The following CBLB variants were observed in gnomAD, a reference collection of about 807,000 sequenced individuals.
CBLB encodes Cbl proto-oncogene B, also known as E3 ubiquitin-protein ligase CBL-B.
CBLB carries 31 observed loss-of-function variants against 104.9 expected under a neutral mutation model. The observed-to-expected ratio is 0.30, with a 90% confidence interval of 0.22 to 0.40. The LOEUF (loss-of-function observed/expected upper bound fraction) is 0.40, where lower values mean the gene tolerates loss of function less well. CBLB is among the 10% of genes least tolerant of loss of function. CBLB has a pLI of 1.00. For synonymous variants in CBLB, 440 were observed against 422.6 expected (o/e 1.04, Z -0.51); for missense variants, 1,062 against 1,214.6 (o/e 0.87, Z 1.87).
At position 105,867,522 on chromosome 3, in the gene CBLB, T is replaced by G; in HGVS notation, c.56A>C (p.Lys19Thr). The G allele has an allele frequency of 6.2e-7, 1 of 1,614,172 alleles. No individual in the cohort carries two copies. Among genetic ancestry groups the G allele is most frequent in the Non-Finnish European group, 8.5e-7 (1 of 1,180,014 alleles). ...ATCAATAATACCCAAAATTCGACCT[T>G]TTCGGGGATTTCCTCCTCGACCACC... ...NPGGRGGNPR[K>T]GRILGIIDAI... is the part of the protein sequence containing the mutation. Residue 19 changes from lysine to threonine, a missense_variant, in exon 2 of 19, where the codon AAA (lysine) becomes ACA (threonine). Physicochemically the swap from Lys to Thr is moderately conservative, Grantham distance 78. Transcript: ENST00000394030.
chr3:105,849,103 T>A (rs1398615749), intron 3 of CBLB, among the ~76,000 whole-genome samples: 1 of 152,136 alleles, frequency 6.6e-6, no homozygotes, highest in African/African-American at 2.4e-5. Flanking sequence ...GAGCTCCATG[T>A]GCAATGGCAC....
Position 105,704,064 on chromosome 3 carries a change from G to A in CBLB, c.1517C>T (p.Pro506Leu), listed in dbSNP as rs566781408. The A allele has an allele frequency of 2.3e-5, 37 of 1,614,022 alleles. No homozygotes were observed. Among genetic ancestry groups the A allele is most frequent in the Non-Finnish European group, 3.1e-5 (36 of 1,180,020 alleles). ...PLQIPHLSLP[P>L]VPPRLDLIQK... ...AATTAGATCCAGGCGAGGAGGCACG[G>A]GTGGCAGGCTTAGATGTGGGATCTG... Residue 506 changes from proline (P) to leucine (L), a missense_variant, in exon 11 of 19, where the codon CCC becomes CTC. By Grantham distance (98) the Pro-to-Leu change is moderately conservative. Transcript: ENST00000394030.
chr3:105,711,490 C>T (rs2071071701), intron 10 of CBLB, among the ~76,000 whole-genome samples: 1 of 151,936 alleles, frequency 6.6e-6, no homozygotes, highest in Non-Finnish European at 1.5e-5. Context: ...GTATATGCTA[C>T]AAAAATGCTT....
At chr3:105,819,788 A>G (rs1426974702) in intron 3 of CBLB, among the ~76,000 whole-genome samples, 2 of 152,146 alleles carry the variant, frequency 1.3e-5, no homozygotes, top group Non-Finnish European at 2.9e-5. Flanking sequence ...TATATGGAAA[A>G]ATATATTCCT....
chr3:105,847,149 A>G (rs1328790072), intron 3 of CBLB, among the ~76,000 whole-genome samples: 2 of 152,014 alleles, frequency 1.3e-5, no homozygotes, highest in Non-Finnish European at 2.9e-5. Flanking sequence ...TTTTTGGTAC[A>G]CTATCTTGTA....
intron 9 of CBLB, among the ~76,000 whole-genome samples, chr3:105,730,285 G>C (rs2074172274): frequency 6.6e-6 from 1 of 152,052 alleles, no homozygotes; most frequent in Non-Finnish European, 1.5e-5. Context: ...TCACACAATA[G>C]CTAGTGAATG....
At position 105,867,402 on chromosome 3, in the gene CBLB, G is replaced by C; in HGVS notation, c.168+8C>G. 4 of 1,613,988 alleles carry C rather than the reference G, an allele frequency of 2.5e-6. No individual in the cohort carries two copies. In the Middle Eastern group the frequency reaches 4.9e-4, roughly 200 times the overall value. ...TGTTTCGCACAGGCAACGTCAGACA[G>C]AACTTACCACTTTGTCCATGAGCTT... On this transcript the variant is annotated splice_region_variant and intron_variant, in intron 2 of 18. Coordinates refer to ENST00000394030, the MANE Select transcript of CBLB (RefSeq NM_170662.5).
intron 3 of CBLB, among the ~76,000 whole-genome samples, chr3:105,793,134 G>T (rs1441649527): frequency 6.6e-6 from 1 of 152,080 alleles, no homozygotes; most frequent in East Asian, 1.9e-4. Context: ...CTAATCAAAA[G>T]AGAAAGATCT....
At chr3:105,671,405 T>G (rs1257553440) in intron 17 of CBLB, 3 of 216,402 alleles carry the variant, frequency 1.4e-5, no homozygotes, top group African/African-American at 4.5e-5. Flanking sequence ...ACCTCCTAAA[T>G]CAAACATAGC....
At chr3:105,817,784 A>G (rs1415168974) in intron 3 of CBLB, among the ~76,000 whole-genome samples, 1 of 152,194 alleles carries the variant, frequency 6.6e-6, no homozygotes, top group Non-Finnish European at 1.5e-5. Flanking sequence ...GTAAGTTTTC[A>G]GGTTAATGTG....
intron 4 of CBLB, among the ~76,000 whole-genome samples, chr3:105,761,225 G>C (rs2077592487): frequency 6.6e-6 from 1 of 152,148 alleles, no homozygotes; most frequent in South Asian, 2.1e-4. Context: ...TAGAGACAGA[G>C]TTATGCCATG....
intron 2 of CBLB, among the ~76,000 whole-genome samples, chr3:105,856,277 G>A (rs1453744815): frequency 6.7e-6 from 1 of 149,844 alleles, no homozygotes; most frequent in African/African-American, 2.5e-5. Context: ...TTGAACCCGG[G>A]AGGCAGAGGT....
chr3:105,853,472 C>A lies in CBLB; in HGVS notation c.361G>T (p.Ala121Ser). 6.2e-7 allele frequency: 1 copy of A among 1,613,048 alleles called. No individual in the cohort carries two copies. The highest frequency in any genetic ancestry group is 8.5e-7 in the Non-Finnish European group (1 of 1,179,178). The part of the protein sequence containing the change: ...IDSLMKKSKR[A>S]IRLFKEGKER... ...TTGCCTTCTTTAAAGAGTCTTATTG[C>A]CCGTTTTGACTTTTTCATAAGGCTA... The change falls in exon 3 of 19, where the codon GCA becomes TCA. Residue 121 changes from alanine to serine, a missense_variant. Coordinates refer to ENST00000394030, the MANE Select transcript of CBLB (RefSeq NM_170662.5).
Position 105,764,377 on chromosome 3 carries a change from T to C in CBLB, c.566+12019A>G, listed in dbSNP as rs540650448. The stretch of plus-strand genomic sequence containing the variant: ...CTGGCACACAGGTCTAGCCAATTGC[T>C]GTCATATCACAATTCATATCTATTG... On this transcript the variant is annotated intron_variant, in intron 4 of 18. Transcript: ENST00000394030. Among the ~76,000 whole-genome samples, 3 of 152,336 alleles carry C rather than the reference T, an allele frequency of 2.0e-5. No homozygotes were observed. In the South Asian group the frequency reaches 6.2e-4, roughly 32 times the overall value.
intron 3 of CBLB, among the ~76,000 whole-genome samples, chr3:105,848,459 A>C (rs2090556541): frequency 6.6e-6 from 1 of 152,090 alleles, no homozygotes; most frequent in Admixed American, 6.6e-5. Flanking sequence ...CTTTCTATTT[A>C]TTACATTTAT....
At chr3:105,713,215 G>C (rs1693842367) in intron 10 of CBLB, among the ~76,000 whole-genome samples, 1 of 152,018 alleles carries the variant, frequency 6.6e-6, no homozygotes, top group African/African-American at 2.4e-5. Context: ...ATCTTAAAGA[G>C]GCAGAGTTTT....
chr3:105,755,833 G>A (rs1576913970), intron 4 of CBLB, among the ~76,000 whole-genome samples: 1 of 152,208 alleles, frequency 6.6e-6, no homozygotes, highest in Non-Finnish European at 1.5e-5. Flanking sequence ...TCTTTTATAT[G>A]CAGTGTTGTT....
At chr3:105,667,849 C>T (rs999572310) in intron 18 of CBLB, among the ~76,000 whole-genome samples, 1 of 152,080 alleles carries the variant, frequency 6.6e-6, no homozygotes, top group Non-Finnish European at 1.5e-5. Context: ...ACCAGAACCC[C>T]ATTTGGTCAT....
intron 13 of CBLB, 23 bp downstream of exon 13, chr3:105,693,471 T>G (rs757571427): frequency 2.0e-5 from 30 of 1,494,890 alleles, no homozygotes; most frequent in Non-Finnish European, 2.5e-5. Flanking sequence ...AGACAAGTGA[T>G]CTCCAAATTC....
Sources: allele counts gnomAD v4.1 joint callset (sites outside exome capture counted in the v4.1 genomes callset), GRCh38; gene constraint gnomAD v4.1.1; transcripts MANE v1.5; gene names NCBI Gene and HGNC (gene_info 2026-07-23, HGNC 2026-07-21).